The following PTPRK variants were observed in gnomAD, a reference collection of about 807,000 sequenced individuals.
The protein encoded by PTPRK is receptor-type tyrosine-protein phosphatase kappa.
Under a neutral mutation model 178.0 loss-of-function variants are expected in PTPRK, and 75 were observed. The ratio of observed to expected loss-of-function variants is 0.42; its 90% CI spans 0.35 to 0.51. The LOEUF is 0.51. Among genes scored for constraint, PTPRK ranks in the 20% least tolerant of loss-of-function variants. The pLI, the probability that PTPRK is intolerant of heterozygous loss-of-function variation, is 0.02. For missense variants in PTPRK, 1,441 were observed against 1,797.8 expected, an observed-to-expected ratio of 0.80 and a Z score of 3.59; for synonymous variants, 637 against 620.6, an observed-to-expected ratio of 1.03 and a Z score of -0.39.
intron 13 of PTPRK, among the ~76,000 whole-genome samples, chr6:128,055,331 C>A (rs1477229493): frequency 6.6e-6 from 1 of 152,072 alleles, no homozygotes; most frequent in Non-Finnish European, 1.5e-5. Context: ...AAATGATCTA[C>A]AACCAATGTA....
rs137887156 is a variant in PTPRK, at chr6:128,259,440, A to C, written c.496-16838T>G. Among the ~76,000 whole-genome samples the C allele has an allele frequency of 3.2e-3, 493 of 152,326 alleles. 3 individuals are homozygous for C. Among genetic ancestry groups the C allele is most frequent in the African/African-American group, 0.011 (463 of 41,568 alleles). Reference sequence around the variant, plus strand: ...AACATTATGTATTATGATTCCACTGAATATCAAGTTTAATATGCACATGCA... The same window carrying C: ...AACATTATGTATTATGATTCCACTGCATATCAAGTTTAATATGCACATGCA... On this transcript the variant is annotated intron_variant, in intron 3 of 29. Coordinates refer to ENST00000368226, the MANE Select transcript of PTPRK (RefSeq NM_002844.4).
chr6:128,198,335 C>T (rs1020206771), intron 6 of PTPRK, among the ~76,000 whole-genome samples: 2 of 152,170 alleles, frequency 1.3e-5, no homozygotes, highest in Non-Finnish European at 2.9e-5. Context: ...TATCACTCTT[C>T]AAGTCCAATT....
At chr6:128,015,460 G>T (rs1233128635) in intron 13 of PTPRK, among the ~76,000 whole-genome samples, 2 of 151,438 alleles carry the variant, frequency 1.3e-5, no homozygotes, top group Admixed American at 1.3e-4. Context: ...CCCCACCTTC[G>T]ACTGCCTTCA....
At chr6:128,455,454 G>A (rs551756750) in intron 1 of PTPRK, among the ~76,000 whole-genome samples, 5 of 152,046 alleles carry the variant, frequency 3.3e-5, no homozygotes, top group Non-Finnish European at 7.4e-5. Flanking sequence ...TTGGAAAGAC[G>A]CTCCCCTTTT....
intron 6 of PTPRK, among the ~76,000 whole-genome samples, chr6:128,208,170 A>C (rs1261948270): frequency 6.6e-6 from 1 of 152,058 alleles, no homozygotes; most frequent in Non-Finnish European, 1.5e-5. Context: ...TGGGGATTTT[A>C]ACACAGGAAG....
At chr6:128,517,549 C>T (rs1053838267) in intron 1 of PTPRK, among the ~76,000 whole-genome samples, 1 of 152,156 alleles carries the variant, frequency 6.6e-6, no homozygotes, top group Non-Finnish European at 1.5e-5. Context: ...TTGGGATTTA[C>T]AGAACGTTCT....
chr6:128,163,783 T>C (rs1799007243), intron 7 of PTPRK, among the ~76,000 whole-genome samples: 1 of 151,494 alleles, frequency 6.6e-6, no homozygotes, highest in African/African-American at 2.4e-5. Flanking sequence ...CAATAAATCA[T>C]ATTCCAAGCT....
intron 2 of PTPRK, among the ~76,000 whole-genome samples, chr6:128,378,810 T>A (rs1052281601): frequency 2.0e-5 from 3 of 152,130 alleles, no homozygotes; most frequent in Admixed American, 6.5e-5. Flanking sequence ...TTTCTTCTTA[T>A]AAATGCTGTT....
At chr6:128,001,181 T>C in intron 15 of PTPRK, 1 of 1,519,822 alleles carries the variant, frequency 6.6e-7, no homozygotes, top group South Asian at 1.2e-5. Context: ...CTAGAGTTCT[T>C]TGCAATACAC....
At chr6:128,102,352 T>C (rs1465476529) in intron 7 of PTPRK, among the ~76,000 whole-genome samples, 1 of 152,182 alleles carries the variant, frequency 6.6e-6, no homozygotes, top group Non-Finnish European at 1.5e-5. Context: ...GGCAGGTAAA[T>C]TTATTTTAAT....
At chr6:128,319,685 C>T (rs1828518500) in intron 3 of PTPRK, among the ~76,000 whole-genome samples, 1 of 152,090 alleles carries the variant, frequency 6.6e-6, no homozygotes, top group South Asian at 2.1e-4. Context: ...GCCAGCAAAC[C>T]AGCACTTACC....
chr6:127,986,768 G>A (rs1204192464), intron 21 of PTPRK, among the ~76,000 whole-genome samples: 4 of 152,070 alleles, frequency 2.6e-5, no homozygotes, highest in Admixed American at 2.6e-4. Flanking sequence ...ATCAGAAAAG[G>A]TAGACACATT....
At chr6:128,115,748 T>C (rs1791410166) in intron 7 of PTPRK, among the ~76,000 whole-genome samples, 1 of 152,130 alleles carries the variant, frequency 6.6e-6, no homozygotes, top group African/African-American at 2.4e-5. Flanking sequence ...TAACTTATAA[T>C]TAAAACCTGA....
chr6:128,375,559 C>G (rs1401478819), intron 2 of PTPRK, among the ~76,000 whole-genome samples: 1 of 152,118 alleles, frequency 6.6e-6, no homozygotes, highest in Non-Finnish European at 1.5e-5. Flanking sequence ...GGTGGGGACA[C>G]AGCCAGATCA....
At chr6:128,135,641 A>G (rs1198136224) in intron 7 of PTPRK, among the ~76,000 whole-genome samples, 3 of 152,140 alleles carry the variant, frequency 2.0e-5, no homozygotes, top group Non-Finnish European at 4.4e-5. Flanking sequence ...TTTAGAAACA[A>G]GGCCTTCTTA....
intron 13 of PTPRK, among the ~76,000 whole-genome samples, chr6:128,010,363 C>T (rs939331009): frequency 5.9e-5 from 9 of 151,266 alleles, no homozygotes; most frequent in East Asian, 1.9e-4. Flanking sequence ...TGAACAGATA[C>T]GCAAAGAAAT....
intron 7 of PTPRK, among the ~76,000 whole-genome samples, chr6:128,138,035 A>G (rs1335266033): frequency 6.6e-6 from 1 of 152,184 alleles, no homozygotes; most frequent in Non-Finnish European, 1.5e-5. Context: ...ATACAGCTTT[A>G]TAAAAATAAA....
intron 1 of PTPRK, among the ~76,000 whole-genome samples, chr6:128,427,953 C>A (rs1844365580): frequency 6.6e-6 from 1 of 151,966 alleles, no homozygotes; most frequent in East Asian, 1.9e-4. Context: ...ATTAGCCGGG[C>A]ATGGTGGTGG....
In PTPRK at chr6:127,998,627, C is replaced by G. The variant is rs557886084; in HGVS notation, c.2679+93G>C. 25 of 1,049,560 alleles carry G rather than the reference C, an allele frequency of 2.4e-5. 1 individual carries two copies. In the South Asian group the frequency reaches 4.3e-4, roughly 18 times the overall value. The allele number at this position is 1,049,560 out of a possible 1,614,324, so 65.0% of individuals were successfully genotyped here. ...TAGAGAGCCTATAGAACAATCCCCTCCTTGTTGTGTTAAAGAGAGGGAAAA... is the reference window on the plus strand; with the variant it reads ...TAGAGAGCCTATAGAACAATCCCCTGCTTGTTGTGTTAAAGAGAGGGAAAA... On this transcript the variant is annotated intron_variant, in intron 16 of 29. Coordinates refer to ENST00000368226, the MANE Select transcript of PTPRK (RefSeq NM_002844.4).
Sources: gnomAD v4.1 joint callset for allele counts (sites outside exome capture counted in the v4.1 genomes callset) on GRCh38, gnomAD v4.1.1 for gene constraint, MANE v1.5 for transcripts, NCBI Gene and HGNC (gene_info 2026-07-23, HGNC 2026-07-21) for gene names.